Variants in TMEM120B observed in about 807,000 individuals in gnomAD.
TMEM120B encodes transmembrane protein 120B.
Under a neutral mutation model 55.5 loss-of-function variants are expected in TMEM120B, and 31 were observed. That is an observed-to-expected ratio of 0.56 (90% confidence interval 0.42 to 0.75). TMEM120B has a LOEUF of 0.75. Ranked by LOEUF, TMEM120B falls within the 30% of genes least tolerant of loss-of-function variation. TMEM120B has a pLI of 0.00. For missense variants in TMEM120B, 399 were observed against 425.5 expected, an observed-to-expected ratio of 0.94 and a Z score of 0.55; for synonymous variants, 203 against 176.3, an observed-to-expected ratio of 1.15 and a Z score of -1.20.
intron 2 of TMEM120B, 31 bp downstream of exon 2, chr12:121,743,778 T>C (rs1400442927): frequency 6.6e-7 from 1 of 1,509,512 alleles, no homozygotes; most frequent in East Asian, 2.3e-5. Flanking sequence ...GGGGCTGCCC[T>C]GGTTCTGAGG....
chr12:121,736,546 G>C (rs1220368810), intron 1 of TMEM120B, among the ~76,000 whole-genome samples: 2 of 148,298 alleles, frequency 1.3e-5, no homozygotes, highest in Admixed American at 1.3e-4. Flanking sequence ...GAGCCACCAT[G>C]CCCGGCCTTC....
rs1874277544 is a variant in TMEM120B at position 121,777,293 on chromosome 12, T to A, written c.*1571T>A. ...TCACCCTGCTACTTTTTAATACTTTTTAGTAGAGATGGGGTCTCACTATGT... is the reference window on the plus strand; with the variant it reads ...TCACCCTGCTACTTTTTAATACTTTATAGTAGAGATGGGGTCTCACTATGT... On this transcript the variant is annotated 3_prime_UTR_variant, in exon 12 of 12. Transcript: ENST00000449592. The A allele has an allele frequency of 6.6e-6, 1 of 152,114 alleles. No individual in the cohort carries two copies. Among genetic ancestry groups the A allele is most frequent in the South Asian group, 2.1e-4 (1 of 4,822 alleles). 9.4% of individuals were successfully genotyped at this position (152,114 alleles called of 1,614,324 possible). A position where few individuals can be genotyped will look rare whatever the true frequency, so the allele number is the denominator to read the frequency against.
rs966192489 is a variant in TMEM120B, at chr12:121,775,709, C to G, written c.1007C>G (p.Thr336Arg). ...HAKLQKNRGK[T>R]KQP is the part of the protein sequence containing the mutation. Reference sequence around the variant, plus strand: ...AAGCTCCAGAAGAACAGAGGCAAGACAAAGCAGCCGTGAGCCTCGGGCTCC... The same window carrying G: ...AAGCTCCAGAAGAACAGAGGCAAGAGAAAGCAGCCGTGAGCCTCGGGCTCC... The change falls in exon 12 of 12, where the codon ACA becomes AGA. Residue 336 changes from threonine to arginine, a missense_variant. Transcript: ENST00000449592. The surrounding 1 kb of genome is among the most constrained non-coding windows in gnomAD (Gnocchi z 4.3). 7.4e-6 allele frequency: 12 copies of G among 1,613,856 alleles called. No homozygotes were observed. The highest frequency in any genetic ancestry group is 1.6e-4 in the Middle Eastern group (1 of 6,080).
chr12:121,733,774 G>A (rs1322508027), intron 1 of TMEM120B, among the ~76,000 whole-genome samples: 3 of 143,954 alleles, frequency 2.1e-5, no homozygotes, highest in Non-Finnish European at 4.6e-5. Context: ...TTGACCTCAA[G>A]TGATCCGCCC....
intron 1 of TMEM120B, among the ~76,000 whole-genome samples, chr12:121,737,971 C>T (rs1169722020): frequency 6.8e-6 from 1 of 147,094 alleles, no homozygotes; most frequent in South Asian, 2.2e-4. Context: ...GGTGGAGCCC[C>T]TGCACTCTAG....
chr12:121,758,911 G>A lies in TMEM120B; in HGVS notation c.462-2738G>A, dbSNP rs143686581. The A allele has an allele frequency of 2.4e-3, 2,360 of 964,172 alleles. 87 individuals are homozygous for A. The African/African-American group carries it at 0.046, about 19-fold the overall frequency. The allele number at this position is 964,172 out of a possible 1,614,324, so 59.7% of individuals were successfully genotyped here. ...CCATGGAGGAGGACGGCCTAGCCCC[G>A]TGCTGTGGTCACCATGGAGGAGGAC... On this transcript the variant is annotated intron_variant, in intron 5 of 11. Transcript: ENST00000449592.
chr12:121,767,497 CAG>C (rs1873888131), intron 6 of TMEM120B, among the ~76,000 whole-genome samples: 2 of 152,196 alleles, frequency 1.3e-5, no homozygotes, highest in South Asian at 4.1e-4. Context: ...GAAATGAGCC[CAG>C]AGAGTGACTG....
intron 8 of TMEM120B, among the ~76,000 whole-genome samples, chr12:121,772,048 TCTTTCTTTTTCTTC>T (rs1189909784): frequency 1.5e-5 from 2 of 129,330 alleles, no homozygotes; most frequent in African/African-American, 3.5e-5. Flanking sequence ...TCTCTTTCTT[TCTTTCTTTTTCTTC>T]CTTTCTTTTT....
intron 8 of TMEM120B, 141 bp downstream of exon 8, chr12:121,771,690 G>T: frequency 1.2e-6 from 1 of 861,972 alleles, no homozygotes. Flanking sequence ...CAGAAATCCA[G>T]AAGGAGAGCT....
chr12:121,715,227 C>T (rs948559845), intron 1 of TMEM120B, among the ~76,000 whole-genome samples: 1 of 151,956 alleles, frequency 6.6e-6, no homozygotes, highest in Non-Finnish European at 1.5e-5. Flanking sequence ...CCCAGATCCT[C>T]GAGTGGCTGA....
At chr12:121,752,349 G>T (rs1370324763) in intron 5 of TMEM120B, 126 bp downstream of exon 5, 3 of 720,536 alleles carry the variant, frequency 4.2e-6, no homozygotes, top group South Asian at 1.7e-5. Context: ...TGAGGTGTAG[G>T]GGAGAGAGGG....
chr12:121,752,009 G>C, intron 4 of TMEM120B, 119 bp from the exon 5 acceptor site: 1 of 776,608 alleles, frequency 1.3e-6, no homozygotes, highest in African/African-American at 1.7e-5. Flanking sequence ...GGAATGGGAA[G>C]GTCCTTATGG....
chr12:121,717,588 C>T (rs1283758234), intron 1 of TMEM120B, among the ~76,000 whole-genome samples: 1 of 152,170 alleles, frequency 6.6e-6, no homozygotes, highest in Non-Finnish European at 1.5e-5. Flanking sequence ...AACTACTGCC[C>T]TAGGCTCATC....
intron 1 of TMEM120B, among the ~76,000 whole-genome samples, chr12:121,734,165 CTG>C (rs63043063): frequency 0.39 from 58,870 of 151,734 alleles, 12,322 homozygotes; most frequent in African/African-American, 0.56. Context: ...GGAGGCCTGA[CTG>C]TGCTCTGTGA....
At chr12:121,722,848 CTTT>C (rs34271702) in intron 1 of TMEM120B, among the ~76,000 whole-genome samples, 11 of 133,068 alleles carry the variant, frequency 8.3e-5, no homozygotes, top group Admixed American at 7.9e-5. Flanking sequence ...TTTAAATTTA[CTTT>C]TTTTTTTTTT....
chr12:121,770,854 T>A, intron 6 of TMEM120B, 53 bp from the exon 7 acceptor site: 1 of 1,559,050 alleles, frequency 6.4e-7, no homozygotes, highest in Non-Finnish European at 8.8e-7. Flanking sequence ...GCGAGACACA[T>A]GCCTGCGTTG....
At chr12:121,753,984 C>G (rs1171256874) in intron 5 of TMEM120B, among the ~76,000 whole-genome samples, 2 of 152,244 alleles carry the variant, frequency 1.3e-5, no homozygotes, top group Admixed American at 1.3e-4. Context: ...TGCTGCTGCC[C>G]TGCCTGGGCT....
Position 121,779,277 on chromosome 12 carries a change from C to T in TMEM120B, c.*3555C>T. Reference sequence around the variant, plus strand: ...GAGTCCCGACAACAGACACTGGCTCCTGCACCCACATCACCACCATGTCCC... The same window carrying T: ...GAGTCCCGACAACAGACACTGGCTCTTGCACCCACATCACCACCATGTCCC... On this transcript the variant is annotated 3_prime_UTR_variant, in exon 12 of 12. Coordinates refer to ENST00000449592, the MANE Select transcript of TMEM120B (RefSeq NM_001080825.2). 3.4e-6 allele frequency: 2 copies of T among 588,148 alleles called. No individual in the cohort carries two copies. The highest frequency in any genetic ancestry group is 2.8e-5 in the East Asian group (1 of 35,182). 36.4% of individuals were successfully genotyped at this position (588,148 alleles called of 1,614,324 possible).
chr12:121,746,241 G>A (rs1326678713), intron 2 of TMEM120B, among the ~76,000 whole-genome samples: 1 of 146,972 alleles, frequency 6.8e-6, no homozygotes, highest in Non-Finnish European at 1.5e-5. Flanking sequence ...AGGCTGGAGT[G>A]CAATGGTGCG....
Sources: allele counts gnomAD v4.1 joint callset (sites outside exome capture counted in the v4.1 genomes callset), GRCh38; gene constraint gnomAD v4.1.1; non-coding constraint Gnocchi (gnomAD v3.1); transcripts MANE v1.5; gene names NCBI Gene and HGNC (gene_info 2026-07-23, HGNC 2026-07-21).